The following ZFHX3 variants were observed in gnomAD, a reference collection of about 807,000 sequenced individuals.
ZFHX3 encodes zinc finger homeobox 3, also known as zinc finger homeobox protein 3.
ZFHX3 carries 42 observed loss-of-function variants against 279.1 expected under a neutral mutation model. The ratio of observed to expected loss-of-function variants is 0.15; its 90% CI spans 0.12 to 0.19. The LOEUF is 0.19. Ranked by LOEUF, ZFHX3 falls within the 10% of genes least tolerant of loss-of-function variation. The pLI is 1.00. For missense variants in ZFHX3, 4,981 were observed against 4,754.0 expected (o/e 1.05, Z -1.40); for synonymous variants, 2,293 against 1,957.8 (o/e 1.17, Z -4.52).
chr16:72,823,254 A>G (rs2036844466), intron 5 of ZFHX3, among the ~76,000 whole-genome samples: 1 of 152,252 alleles, frequency 6.6e-6, no homozygotes, highest in Admixed American at 6.5e-5. Flanking sequence ...ATTCCCTCAC[A>G]TGCATCCTAC....
At chr16:73,093,507 A>G (rs779604069) in exon 8 of ZFHX3, 1 of 503,840 alleles carries the variant, frequency 2.0e-6, no homozygotes, top group East Asian at 5.6e-5. Flanking sequence ...ATGGAGTCAT[A>G]GCTGCGCCCT....
At position 72,784,476 on chromosome 16, in the gene ZFHX3, A is replaced by G. The variant is rs796488029; in HGVS notation, c.*2688T>C. On this transcript the variant is annotated 3_prime_UTR_variant, in exon 10 of 10. Coordinates refer to ENST00000268489, the MANE Select transcript of ZFHX3 (RefSeq NM_006885.4). The stretch of plus-strand genomic sequence containing the variant: ...TTAACTGATATCACATAGAGAACCA[A>G]AAACAAAAACAATTTTTTTTCTATA... 6 of 152,564 alleles carry G rather than the reference A, an allele frequency of 3.9e-5. No homozygotes were observed. The South Asian group carries it at 1.2e-3, about 32-fold the overall frequency. 9.5% of individuals were successfully genotyped at this position (152,564 alleles called of 1,614,324 possible). A position where few individuals can be genotyped will look rare whatever the true frequency, so the allele number is the denominator to read the frequency against.
chr16:73,370,511 A>G lies in ZFHX3; in HGVS notation c.-1290-52175T>C, dbSNP rs570306110. Among the ~76,000 whole-genome samples, 48 of 152,322 alleles carry G rather than the reference A, an allele frequency of 3.2e-4. 1 individual carries two copies. Among genetic ancestry groups the G allele is most frequent in the Admixed American group, 2.5e-3 (38 of 15,298 alleles). ...ATTTGGGTGGCACATAAACACAAAT[A>G]GGAAGCTCAGAGCTCCCTGGAGTGG... On this transcript the variant is annotated intron_variant, in intron 3 of 17. Transcript: ENST00000641206.
chr16:73,409,709 G>A (rs1191691946), intron 3 of ZFHX3, among the ~76,000 whole-genome samples: 2 of 152,220 alleles, frequency 1.3e-5, no homozygotes, highest in African/African-American at 4.8e-5. Flanking sequence ...AGATTTGGAA[G>A]TGACCTAAGG....
In ZFHX3 at chr16:72,958,904, G is replaced by A; in HGVS notation, c.1242C>T (p.Pro414=). 6.2e-7 allele frequency: 1 copy of A among 1,607,506 alleles called. No homozygotes were observed. The highest frequency in any genetic ancestry group is 8.5e-7 in the Non-Finnish European group (1 of 1,176,598). The stretch of plus-strand genomic sequence containing the variant: ...GAGGCCCCAGGGGGACTGAGGTAAT[G>A]GGGGTCTTCAGTACCGAGCTGGTGA... ...GGLTSSVLKT[P]ITSVPLGPLA... The change falls in exon 2 of 10, where the codon CCC becomes CCT. Residue 414 remains proline (P), a synonymous_variant. Coordinates refer to ENST00000268489, the MANE Select transcript of ZFHX3 (RefSeq NM_006885.4).
chr16:72,902,313 GGAGT>G (rs1481916713), intron 3 of ZFHX3, among the ~76,000 whole-genome samples: 3 of 152,156 alleles, frequency 2.0e-5, no homozygotes, highest in African/African-American at 7.2e-5. Context: ...GATAATGCAT[GGAGT>G]AAGTAAGACT....
chr16:73,687,120 G>A (rs1465574808), intron 1 of ZFHX3, among the ~76,000 whole-genome samples: 1 of 142,828 alleles, frequency 7.0e-6, no homozygotes, highest in African/African-American at 2.6e-5. Context: ...CAGTTGCAGT[G>A]GCTTACAACT....
intron 4 of ZFHX3, among the ~76,000 whole-genome samples, chr16:73,298,318 G>A (rs953128745): frequency 6.6e-6 from 1 of 151,596 alleles, no homozygotes; most frequent in African/African-American, 2.4e-5. Flanking sequence ...CCGAGTAGCT[G>A]GGATTACAGG....
chr16:73,381,211 T>A (rs990462437), intron 3 of ZFHX3, among the ~76,000 whole-genome samples: 1 of 152,180 alleles, frequency 6.6e-6, no homozygotes, highest in Non-Finnish European at 1.5e-5. Flanking sequence ...AAAGACTTAA[T>A]ATTGTAAAAT....
intron 3 of ZFHX3, among the ~76,000 whole-genome samples, chr16:73,329,105 C>G (rs2015749017): frequency 6.6e-6 from 1 of 152,238 alleles, no homozygotes; most frequent in African/African-American, 2.4e-5. Flanking sequence ...AGTTTGCAAG[C>G]AAGTGTCTAG....
chr16:72,868,225 G>A (rs1253612502), intron 4 of ZFHX3, among the ~76,000 whole-genome samples: 1 of 152,186 alleles, frequency 6.6e-6, no homozygotes, highest in African/African-American at 2.4e-5. Flanking sequence ...GGGAATGAGG[G>A]AGGTATGTGT....
At chr16:73,765,302 T>C (rs531165229) in intron 1 of ZFHX3, among the ~76,000 whole-genome samples, 1 of 152,370 alleles carries the variant, frequency 6.6e-6, no homozygotes, top group East Asian at 1.9e-4. Context: ...TAATCTGTCT[T>C]GTTTGAATGG....
intron 3 of ZFHX3, among the ~76,000 whole-genome samples, chr16:72,907,545 T>TTGTATG (rs1555529279): frequency 8.3e-6 from 1 of 120,404 alleles, no homozygotes; most frequent in African/African-American, 3.2e-5. Context: ...TTTCCTCTAT[T>TTGTATG]TGTGTGTGTG....
intron 5 of ZFHX3, among the ~76,000 whole-genome samples, chr16:73,210,347 C>T (rs1389439854): frequency 6.6e-6 from 1 of 151,946 alleles, no homozygotes; most frequent in Non-Finnish European, 1.5e-5. Flanking sequence ...ACTTCTCTCC[C>T]GAACATCTTT....
At chr16:73,720,724 T>C (rs554775995) in intron 1 of ZFHX3, among the ~76,000 whole-genome samples, 107 of 152,352 alleles carry the variant, frequency 7.0e-4, no homozygotes, top group African/African-American at 2.4e-3. Flanking sequence ...TTTTCTCTCA[T>C]ACTTTTCCAT....
chr16:73,114,309 T>C (rs566374623), intron 7 of ZFHX3, among the ~76,000 whole-genome samples: 1 of 108,518 alleles, frequency 9.2e-6, no homozygotes, highest in African/African-American at 2.7e-5. Context: ...TGGTTGAAGA[T>C]AAGTTGGAAT....
intron 4 of ZFHX3, among the ~76,000 whole-genome samples, chr16:72,871,455 C>T (rs1450946814): frequency 6.6e-6 from 1 of 151,932 alleles, no homozygotes; most frequent in East Asian, 1.9e-4. Flanking sequence ...AATTTTCCTG[C>T]CTCAGCCTCC....
At chr16:73,558,296 A>T (rs1160500669) in intron 2 of ZFHX3, 1 of 152,150 alleles carries the variant, frequency 6.6e-6, no homozygotes, top group African/African-American at 2.4e-5. Context: ...TTTTCAAGAG[A>T]GAAAGAAAGA....
At chr16:73,251,109 G>C (rs2013473813) in intron 5 of ZFHX3, among the ~76,000 whole-genome samples, 1 of 152,148 alleles carries the variant, frequency 6.6e-6, no homozygotes, top group African/African-American at 2.4e-5. Flanking sequence ...ACTACGGGCA[G>C]TTAAAACTCA....
Sources: gnomAD v4.1 joint callset for allele counts (sites outside exome capture counted in the v4.1 genomes callset) on GRCh38, gnomAD v4.1.1 for gene constraint, MANE v1.5 for transcripts, NCBI Gene and HGNC (gene_info 2026-07-23, HGNC 2026-07-21) for gene names.